ABCB9: variants seen among roughly 807,000 people sequenced by gnomAD.
ABCB9 encodes ABC-type oligopeptide transporter ABCB9.
ABCB9 carries 36 observed loss-of-function variants against 62.0 expected under a neutral mutation model. The observed-to-expected ratio is 0.58, with a 90% CI of 0.45 to 0.77. The LOEUF (loss-of-function observed/expected upper bound fraction) is 0.77. ABCB9 is among the 30% of genes least tolerant of loss of function. The pLI is 0.00. For synonymous variants in ABCB9, 435 were observed against 461.4 expected, an observed-to-expected ratio of 0.94 and a Z score of 0.73; for missense variants, 943 against 1,054.7, an observed-to-expected ratio of 0.89 and a Z score of 1.47.
chr12:122,969,141 G>C (rs1364208633), upstream of ABCB9, among the ~76,000 whole-genome samples: 1 of 147,742 alleles, frequency 6.8e-6, no homozygotes, highest in Non-Finnish European at 1.5e-5. Flanking sequence ...AGGTGAGTGG[G>C]CCACCAGTCA....
At chr12:122,920,914 A>T (rs2034731115), downstream of ABCB9, 3 of 747,556 alleles carry the variant, frequency 4.0e-6, no homozygotes, top group Non-Finnish European at 3.8e-6. Flanking sequence ...CCCCTGTCTT[A>T]AAAAAAAAAT....
At chr12:122,958,266 T>G (rs1253810450) in intron 2 of ABCB9, among the ~76,000 whole-genome samples, 2 of 151,310 alleles carry the variant, frequency 1.3e-5, no homozygotes, top group African/African-American at 4.9e-5. Flanking sequence ...ATCTATGGTA[T>G]AGCCGCACAA....
In ABCB9 at chr12:122,964,651, G is replaced by T. The variant is rs1444561736; in HGVS notation, c.-88+1636C>A. Among the ~76,000 whole-genome samples, 1 of 152,248 alleles carries T rather than the reference G, an allele frequency of 6.6e-6. No individual in the cohort carries two copies. Among genetic ancestry groups the T allele is most frequent in the African/African-American group, 2.4e-5 (1 of 41,470 alleles). The stretch of plus-strand genomic sequence containing the variant: ...AGAGGCCTGTCACCGCTCTCCAACT[G>T]CCTGACTCAGAGGATGCGCTGGGCT... On this transcript the variant is annotated intron_variant, in intron 1 of 11. Transcript: ENST00000280560. This position sits in a 1 kb window ranked among gnomAD's most constrained non-coding sequence, Gnocchi z 4.7.
chr12:122,940,810 C>T lies in ABCB9; in HGVS notation c.1566G>A (p.Leu522=), dbSNP rs940948186. 6.3e-7 allele frequency: 1 copy of T among 1,583,578 alleles called. No individual in the cohort carries two copies. The highest frequency in any genetic ancestry group is 1.3e-5 in the African/African-American group (1 of 74,610). Residue 522 remains leucine (L), a synonymous_variant, in exon 8 of 12, where the codon CTG becomes CTA. Transcript: ENST00000280560. The surrounding 1 kb of genome is among the most constrained non-coding windows in gnomAD (Gnocchi z 4.8). ...AGGCCTCAAGCCGCGCCCTCACCTGCAGGACCTGGGTGTGGGGCCGAGTGC... is the reference window on the plus strand; with the variant it reads ...AGGCCTCAAGCCGCGCCCTCACCTGTAGGACCTGGGTGTGGGGCCGAGTGC... ...TYRTRPHTQV[L]QNVSFSLSPG...
At chr12:122,943,473 C>T (rs998120525) in intron 7 of ABCB9, among the ~76,000 whole-genome samples, 21 of 152,166 alleles carry the variant, frequency 1.4e-4, no homozygotes, top group Admixed American at 2.0e-4. Context: ...CCCTGAGCCC[C>T]GTTCCCGAGC....
intron 1 of ABCB9, among the ~76,000 whole-genome samples, chr12:122,965,159 A>G (rs549333342): frequency 6.6e-6 from 1 of 152,258 alleles, no homozygotes; most frequent in South Asian, 2.1e-4. Context: ...CTGGGGAGAC[A>G]GAAGAGGTTA....
In ABCB9 at chr12:122,940,349, C is replaced by T. The variant is rs1408247218; in HGVS notation, c.1570-65G>A. ...CAGGTCCCAGGACTGGATGCCCTGA[C>T]CTTGGACACAGGTGGGTGCCCTTCC... On this transcript the variant is annotated intron_variant, in intron 8 of 11. Transcript: ENST00000280560. This position sits in a 1 kb window ranked among gnomAD's most constrained non-coding sequence, Gnocchi z 4.8. 9.3e-6 allele frequency: 14 copies of T among 1,505,166 alleles called. No individual in the cohort carries two copies. Among genetic ancestry groups the T allele is most frequent in the Non-Finnish European group, 1.2e-5 (14 of 1,125,402 alleles). The allele number at this position is 1,505,166 out of a possible 1,614,324, so 93.2% of individuals were successfully genotyped here.
In ABCB9 at chr12:122,947,511, C is replaced by T. The variant is rs1056846830; in HGVS notation, c.1053+1113G>A. 4.4e-6 allele frequency: 2 copies of T among 453,844 alleles called. No homozygotes were observed. Among genetic ancestry groups the T allele is most frequent in the Non-Finnish European group, 8.9e-6 (2 of 225,392 alleles). 28.1% of individuals were successfully genotyped at this position (453,844 alleles called of 1,614,324 possible). On this transcript the variant is annotated intron_variant, in intron 5 of 11. Coordinates refer to ENST00000280560, the MANE Select transcript of ABCB9 (RefSeq NM_019625.4). The surrounding 1 kb of genome is among the most constrained non-coding windows in gnomAD (Gnocchi z 6.0). ...CTGGAGGCCGTCATGCATCCAAGCC[C>T]CTGCTCTAGAAGTACCCCACGTGGG...
At chr12:122,936,438 ATTGTT>A (rs1468379110) in intron 9 of ABCB9, among the ~76,000 whole-genome samples, 1 of 152,180 alleles carries the variant, frequency 6.6e-6, no homozygotes. Context: ...GTAGCATTTT[ATTGTT>A]TTATGTTTAT....
Position 122,947,604 on chromosome 12 carries a change from C to T in ABCB9, c.1053+1020G>A. ...CACAGCCCTGCCTGTCTGAACCCAG[C>T]CTGTCTGTCCCTTAGGGCTCGGGGG... On this transcript the variant is annotated intron_variant, in intron 5 of 11. Transcript: ENST00000280560. The surrounding 1 kb of genome is among the most constrained non-coding windows in gnomAD (Gnocchi z 6.0). The T allele has an allele frequency of 9.0e-6, 3 of 334,960 alleles. No individual in the cohort carries two copies. The highest frequency in any genetic ancestry group is 1.9e-5 in the Non-Finnish European group (3 of 157,884). 20.7% of individuals were successfully genotyped at this position (334,960 alleles called of 1,614,324 possible).
chr12:122,928,832 G>C (rs1191228847), downstream of ABCB9, among the ~76,000 whole-genome samples: 1 of 152,164 alleles, frequency 6.6e-6, no homozygotes, highest in Admixed American at 6.5e-5. Context: ...GAGACCCTGG[G>C]ATGGGAGGAG....
At chr12:122,951,605 C>T (rs543887967) in intron 2 of ABCB9, 1 of 152,166 alleles carries the variant, frequency 6.6e-6, no homozygotes, top group Non-Finnish European at 1.5e-5. Flanking sequence ...TGATTTCATT[C>T]TTCTCAATGG....
rs1223867351 is a variant in ABCB9 at position 122,947,742 on chromosome 12, T to C, written c.1053+882A>G. Reference sequence around the variant, plus strand: ...GCCAGAGGGGACAGCAGCCTGCCCATGATGGCATCACAGCGGGCCCGCGAT... The same window carrying C: ...GCCAGAGGGGACAGCAGCCTGCCCACGATGGCATCACAGCGGGCCCGCGAT... On this transcript the variant is annotated intron_variant, in intron 5 of 11. Coordinates refer to ENST00000280560, the MANE Select transcript of ABCB9 (RefSeq NM_019625.4). The surrounding 1 kb of genome is among the most constrained non-coding windows in gnomAD (Gnocchi z 6.0). 4.5e-6 allele frequency: 1 copy of C among 221,224 alleles called. No individual in the cohort carries two copies. Among genetic ancestry groups the C allele is most frequent in the South Asian group, 5.0e-5 (1 of 19,896 alleles). The allele number at this position is 221,224 out of a possible 1,614,324, so 13.7% of individuals were successfully genotyped here.
chr12:122,960,558 T>C (rs560505091), intron 1 of ABCB9, among the ~76,000 whole-genome samples: 19 of 152,146 alleles, frequency 1.2e-4, no homozygotes, highest in Non-Finnish European at 2.1e-4. Flanking sequence ...CAAAGATCCC[T>C]GCTCTCCTGG....
In ABCB9 at chr12:122,929,923, A is replaced by G. The variant is rs1475187887; in HGVS notation, c.2289T>C (p.Ser763=). ...AGHNEPVANG[S]HKA ...CAGGGGCCCCCCATCAGGCCTTGTG[A>G]CTGCCGTTGGCTACAGGCTCGTTGT... The change falls in exon 12 of 12, where the codon AGT becomes AGC. Residue 763 remains serine (S), a synonymous_variant. Transcript: ENST00000280560. The surrounding 1 kb of genome is among the most constrained non-coding windows in gnomAD (Gnocchi z 6.0). 2.6e-6 allele frequency: 4 copies of G among 1,552,298 alleles called. No individual in the cohort carries two copies. The highest frequency in any genetic ancestry group is 2.6e-6 in the Non-Finnish European group (3 of 1,146,594).
chr12:122,948,914 G>T, intron 4 of ABCB9, 85 bp from the exon 5 acceptor site: 3 of 1,028,430 alleles, frequency 2.9e-6, no homozygotes, highest in Non-Finnish European at 3.9e-6. Flanking sequence ...CTCTGAGACA[G>T]ACACTGGGAA....
Position 122,947,757 on chromosome 12 carries a change from G to A in ABCB9, c.1053+867C>T, listed in dbSNP as rs1273490608. On this transcript the variant is annotated intron_variant, in intron 5 of 11. Coordinates refer to ENST00000280560, the MANE Select transcript of ABCB9 (RefSeq NM_019625.4). The surrounding 1 kb of genome is among the most constrained non-coding windows in gnomAD (Gnocchi z 6.0). Reference sequence around the variant, plus strand: ...AGCCTGCCCATGATGGCATCACAGCGGGCCCGCGATGGCATCACAGCGGGC... The same window carrying A: ...AGCCTGCCCATGATGGCATCACAGCAGGCCCGCGATGGCATCACAGCGGGC... 8.5e-5 allele frequency: 12 copies of A among 141,482 alleles called. No homozygotes were observed. Among genetic ancestry groups the A allele is most frequent in the Non-Finnish European group, 1.3e-4 (11 of 82,574 alleles). The allele number at this position is 141,482 out of a possible 1,614,324, so 8.8% of individuals were successfully genotyped here.
intron 4 of ABCB9, 99 bp from the exon 5 acceptor site, chr12:122,948,928 G>C: frequency 2.8e-6 from 3 of 1,065,598 alleles, no homozygotes; most frequent in Non-Finnish European, 3.8e-6. Context: ...CTGGGAAGCC[G>C]GGCCTCCCTA....
At chr12:122,952,528 C>T (rs1423639612) in intron 2 of ABCB9, 2 of 152,238 alleles carry the variant, frequency 1.3e-5, no homozygotes, top group Non-Finnish European at 2.9e-5. Context: ...CCTAGAGGGC[C>T]TGTGTCCCCA....
Sources: gnomAD v4.1 joint callset for allele counts (sites outside exome capture counted in the v4.1 genomes callset) on GRCh38, gnomAD v4.1.1 for gene constraint, Gnocchi (gnomAD v3.1) non-coding constraint, MANE v1.5 for transcripts, NCBI Gene and HGNC (gene_info 2026-07-23, HGNC 2026-07-21) for gene names.